The following MISFA variants were observed in gnomAD, a reference collection of about 807,000 sequenced individuals.
MISFA encodes the protein mitochondrial sheath formation associated, also known as mitochondrial sheath formation-associated protein.
chr11:18,607,739 GCT>G, the MISFA span: 1 of 152,104 alleles, frequency 6.6e-6, no homozygotes, highest in East Asian at 1.9e-4. Context: ...CCACAGAAGT[GCT>G]CTTTTATAAT....
the MISFA span, chr11:18,603,713 G>GCC: frequency 2.5e-6 from 1 of 398,608 alleles, no homozygotes; most frequent in Non-Finnish European, 4.4e-6. Context: ...AAATGCCTAA[G>GCC]CCCCCACACT....
At chr11:18,609,844 AAAAAT>A in the MISFA span, 1 of 1,613,034 alleles carries the variant, frequency 6.2e-7, no homozygotes, top group Non-Finnish European at 8.5e-7. Context: ...AGAATTTCAC[AAAAAT>A]AAAAGCAGCA....
the MISFA span, among the ~76,000 whole-genome samples, chr11:18,604,133 AT>A: frequency 6.6e-6 from 1 of 151,520 alleles, no homozygotes; most frequent in Non-Finnish European, 1.5e-5. Flanking sequence ...TCACCGTGTT[AT>A]CCAGGATGGT....
the MISFA span, chr11:18,608,165 G>C: frequency 6.6e-5 from 10 of 152,578 alleles, no homozygotes; most frequent in African/African-American, 2.4e-4. Context: ...TGCTACCATT[G>C]TAACAGTTCT....
At chr11:18,602,874 G>C in the MISFA span, 1 of 357,522 alleles carries the variant, frequency 2.8e-6, no homozygotes, top group Admixed American at 4.7e-5. Flanking sequence ...CCATCCCATA[G>C]GTGCTCATGC....
the MISFA span, chr11:18,606,444 A>T: frequency 6.0e-6 from 1 of 166,566 alleles, no homozygotes; most frequent in East Asian, 1.9e-4. Context: ...TTGTATACAT[A>T]AATTGCAAAA....
chr11:18,600,511 C>T, the MISFA span, among the ~76,000 whole-genome samples: 1 of 114,690 alleles, frequency 8.7e-6, no homozygotes, highest in Non-Finnish European at 1.8e-5. Context: ...CTGGGGACAT[C>T]CTTTTTTTTT....
the MISFA span, chr11:18,604,019 C>T: frequency 1.4e-5 from 4 of 291,156 alleles, no homozygotes. Flanking sequence ...CTCCGCCTCC[C>T]GGGTTCATGC....
the MISFA span, among the ~76,000 whole-genome samples, chr11:18,606,232 G>C: frequency 6.6e-6 from 1 of 152,220 alleles, no homozygotes; most frequent in African/African-American, 2.4e-5. Flanking sequence ...TATCATGTTA[G>C]AGCAGACATG....
chr11:18,602,182 T>C, the MISFA span: 1 of 151,858 alleles, frequency 6.6e-6, no homozygotes, highest in African/African-American at 2.4e-5. Flanking sequence ...AGCTCCTGGG[T>C]TTCTTAACGT....
chr11:18,609,526 CT>C, the MISFA span: 4 of 230,904 alleles, frequency 1.7e-5, no homozygotes, highest in Non-Finnish European at 3.4e-5. Flanking sequence ...CTTTTTTTTC[CT>C]TTCAAAGTAG....
At chr11:18,601,705 T>A in the MISFA span, 1 of 394,834 alleles carries the variant, frequency 2.5e-6, no homozygotes, top group Non-Finnish European at 4.5e-6. Context: ...CCACCGTGCC[T>A]TGCCAGGACC....
the MISFA span, among the ~76,000 whole-genome samples, chr11:18,600,711 G>A: frequency 2.2e-4 from 33 of 151,508 alleles, no homozygotes; most frequent in Admixed American, 9.9e-4. Context: ...TAGTAGAGAC[G>A]GGGTTTCACT....
the MISFA span, chr11:18,609,516 CTTTT>C: frequency 4.5e-6 from 1 of 223,576 alleles, no homozygotes; most frequent in African/African-American, 2.3e-5. Flanking sequence ...AAGAGACAAC[CTTTT>C]TTTTCCTTTC....
chr11:18,605,539 G>T, the MISFA span, among the ~76,000 whole-genome samples: 1 of 151,846 alleles, frequency 6.6e-6, no homozygotes, highest in Non-Finnish European at 1.5e-5. Flanking sequence ...TTTTTTAATG[G>T]AAAGAAAATA....
At chr11:18,603,536 G>A in the MISFA span, among the ~76,000 whole-genome samples, 1 of 152,188 alleles carries the variant, frequency 6.6e-6, no homozygotes, top group Non-Finnish European at 1.5e-5. Context: ...GGGATCTGGT[G>A]GCAGATGTCT....
the MISFA span, among the ~76,000 whole-genome samples, chr11:18,605,282 C>A: frequency 6.6e-6 from 1 of 151,776 alleles, no homozygotes; most frequent in Non-Finnish European, 1.5e-5. Context: ...AGGAAGTTGC[C>A]TGATAATTCT....
At chr11:18,600,512 CTTTTTTT>C in the MISFA span, among the ~76,000 whole-genome samples, 1 of 54,030 alleles carries the variant, frequency 1.9e-5, no homozygotes, top group Non-Finnish European at 3.2e-5. Flanking sequence ...TGGGGACATC[CTTTTTTT>C]TTTTTTTTTT....
chr11:18,609,412 T>C, the MISFA span: 1 of 157,898 alleles, frequency 6.3e-6, no homozygotes, highest in Non-Finnish European at 1.4e-5. Context: ...CTGGCAACAT[T>C]CATGGAAGGT....
Sources: allele counts gnomAD v4.1 joint callset (sites outside exome capture counted in the v4.1 genomes callset), GRCh38; gene constraint gnomAD v4.1.1; transcripts MANE v1.5; gene names NCBI Gene and HGNC (gene_info 2026-07-23, HGNC 2026-07-21).